Variants in APELA observed in about 807,000 individuals in gnomAD.
APELA encodes protein Elabela.
chr4:164,892,131 CA>C (rs1000794018), intron 2 of APELA, among the ~76,000 whole-genome samples: 36 of 151,822 alleles, frequency 2.4e-4, no homozygotes, highest in African/African-American at 8.7e-4. Flanking sequence ...GGCAATATAG[CA>C]AAACCCCATC....
intron 2 of APELA, among the ~76,000 whole-genome samples, chr4:164,879,797 A>G (rs1730625215): frequency 1.3e-5 from 2 of 152,172 alleles, no homozygotes; most frequent in Admixed American, 1.3e-4. Flanking sequence ...TTCTGAAAAT[A>G]TTTCTTTTAA....
At chr4:164,885,518 A>G (rs1730753354) in intron 2 of APELA, among the ~76,000 whole-genome samples, 1 of 151,638 alleles carries the variant, frequency 6.6e-6, no homozygotes, top group Admixed American at 6.6e-5. Flanking sequence ...AGGTGGGCAG[A>G]TCGCTTGAGG....
chr4:164,888,627 T>TC (rs1730823850), intron 2 of APELA, among the ~76,000 whole-genome samples: 1 of 152,176 alleles, frequency 6.6e-6, no homozygotes, highest in South Asian at 2.1e-4. Context: ...ATATTCAGTC[T>TC]CCCAGTTCCC....
chr4:164,889,672 A>G (rs1274193581), intron 2 of APELA, among the ~76,000 whole-genome samples: 1 of 152,190 alleles, frequency 6.6e-6, no homozygotes, highest in African/African-American at 2.4e-5. Context: ...CCTAGGCATT[A>G]AGAGACGGTC....
At chr4:164,892,079 G>T (rs1486274635) in intron 2 of APELA, among the ~76,000 whole-genome samples, 1 of 152,060 alleles carries the variant, frequency 6.6e-6, no homozygotes, top group Non-Finnish European at 1.5e-5. Flanking sequence ...GGGAGGCTGA[G>T]GGGGGCAGAT....
At position 164,890,860 on chromosome 4, in the gene APELA, A is replaced by G. The variant is rs372860317; in HGVS notation, c.*2-4556A>G. On this transcript the variant is annotated intron_variant, in intron 2 of 2. Transcript: ENST00000507152. ...GGCATCATTTCACATTCCCACCAGC[A>G]GTATACGTGGGTTTTAATTTCTCCA... 2.0e-4 allele frequency among the ~76,000 whole-genome samples: 31 copies of G among 152,326 alleles called. No individual in the cohort carries two copies. In the Middle Eastern group the frequency reaches 0.01, roughly 50 times the overall value.
chr4:164,888,901 C>T (rs755296417), intron 2 of APELA, among the ~76,000 whole-genome samples: 1 of 152,148 alleles, frequency 6.6e-6, no homozygotes, highest in Non-Finnish European at 1.5e-5. Flanking sequence ...TCCGCCTAGA[C>T]GTGCTTTTTT....
chr4:164,880,674 A>T (rs966857819), intron 2 of APELA, among the ~76,000 whole-genome samples: 1 of 152,250 alleles, frequency 6.6e-6, no homozygotes, highest in Non-Finnish European at 1.5e-5. Context: ...GAATTCCTGC[A>T]TATACAAAGA....
chr4:164,885,697 C>T (rs1443150927), intron 2 of APELA, among the ~76,000 whole-genome samples: 2 of 151,580 alleles, frequency 1.3e-5, no homozygotes, highest in East Asian at 2.0e-4. Flanking sequence ...GCCAAGATCA[C>T]GCCATTGCAC....
intron 2 of APELA, among the ~76,000 whole-genome samples, chr4:164,882,006 C>G (rs1730662138): frequency 6.6e-6 from 1 of 152,070 alleles, no homozygotes; most frequent in African/African-American, 2.4e-5. Flanking sequence ...ATTATGCACT[C>G]CAGCCTAGAC....
At chr4:164,891,551 C>T (rs1369158514) in intron 2 of APELA, among the ~76,000 whole-genome samples, 1 of 152,218 alleles carries the variant, frequency 6.6e-6, no homozygotes, top group Admixed American at 6.5e-5. Context: ...TCTTTTGATG[C>T]TATTGCAAAC....
intron 2 of APELA, among the ~76,000 whole-genome samples, chr4:164,883,214 C>T (rs1730694469): frequency 6.6e-6 from 1 of 152,196 alleles, no homozygotes; most frequent in African/African-American, 2.4e-5. Flanking sequence ...CATAGAATCT[C>T]TACTTTCATG....
chr4:164,891,377 A>G lies in APELA; in HGVS notation c.*2-4039A>G, dbSNP rs140177070. Reference sequence around the variant, plus strand: ...GGTATTTGGATAGGGATAGTTTTAAATCTATAGATCAATGTAACAAGTATT... The same window carrying G: ...GGTATTTGGATAGGGATAGTTTTAAGTCTATAGATCAATGTAACAAGTATT... On this transcript the variant is annotated intron_variant, in intron 2 of 2. Coordinates refer to ENST00000507152, the MANE Select transcript of APELA (RefSeq NM_001297550.2). Among the ~76,000 whole-genome samples, 1,179 of 152,302 alleles carry G rather than the reference A, an allele frequency of 7.7e-3. 14 individuals are homozygous for G. Among genetic ancestry groups the G allele is most frequent in the African/African-American group, 0.024 (1,008 of 41,562 alleles).
At chr4:164,898,296 G>A (rs1387013208), downstream of APELA, among the ~76,000 whole-genome samples, 1 of 151,504 alleles carries the variant, frequency 6.6e-6, no homozygotes, top group African/African-American at 2.4e-5. Context: ...GAGGTCAGGA[G>A]TTCGAGACCA....
chr4:164,890,109 G>T (rs1407478050), intron 2 of APELA, among the ~76,000 whole-genome samples: 1 of 152,046 alleles, frequency 6.6e-6, no homozygotes, highest in Non-Finnish European at 1.5e-5. Context: ...TTTATGTTTT[G>T]TAATATTTAT....
At chr4:164,887,478 A>G (rs1730796452) in intron 2 of APELA, among the ~76,000 whole-genome samples, 1 of 152,110 alleles carries the variant, frequency 6.6e-6, no homozygotes, top group Non-Finnish European at 1.5e-5. Context: ...AAACACACAT[A>G]TACACATCCA....
intron 2 of APELA, among the ~76,000 whole-genome samples, chr4:164,880,100 T>TA (rs1234944891): frequency 1.3e-5 from 2 of 152,188 alleles, no homozygotes; most frequent in Non-Finnish European, 2.9e-5. Context: ...ATAGCTTCCT[T>TA]AAAAAATGCC....
intron 2 of APELA, among the ~76,000 whole-genome samples, chr4:164,889,012 T>C (rs997834950): frequency 7.3e-5 from 11 of 151,134 alleles, no homozygotes; most frequent in African/African-American, 2.7e-4. Context: ...ATATAACTTC[T>C]TTTTTTTTGA....
At chr4:164,886,837 T>G (rs922279516) in intron 2 of APELA, among the ~76,000 whole-genome samples, 70 of 147,230 alleles carry the variant, frequency 4.8e-4, no homozygotes, top group African/African-American at 1.6e-3. Context: ...CTTTTTTTTT[T>G]GGGACAGAGT....
Sources: gnomAD v4.1 joint callset for allele counts (sites outside exome capture counted in the v4.1 genomes callset) on GRCh38, gnomAD v4.1.1 for gene constraint, MANE v1.5 for transcripts, NCBI Gene and HGNC (gene_info 2026-07-23, HGNC 2026-07-21) for gene names.